MAPKAP1: variants seen among roughly 807,000 people sequenced by gnomAD.
MAPKAP1 encodes the protein target of rapamycin complex 2 subunit MAPKAP1.
In MAPKAP1, 20 loss-of-function variants were observed where a neutral mutation model predicts 65.7. The observed-to-expected ratio is 0.30, with a 90% confidence interval of 0.21 to 0.44. The LOEUF (loss-of-function observed/expected upper bound fraction) is 0.44, where lower values mean the gene tolerates loss of function less well. Among genes scored for constraint, MAPKAP1 ranks in the 20% least tolerant of loss-of-function variants. The pLI, the probability that MAPKAP1 is intolerant of heterozygous loss-of-function variation, is 1.00. For synonymous variants in MAPKAP1, 222 were observed against 244.3 expected (o/e 0.91, Z 0.85); for missense variants, 423 against 648.0 (o/e 0.65, Z 3.77).
chr9:125,494,384 A>G (rs918036685), intron 8 of MAPKAP1, among the ~76,000 whole-genome samples: 24 of 152,070 alleles, frequency 1.6e-4, no homozygotes, highest in African/African-American at 5.3e-4. Flanking sequence ...CCTTCACTAG[A>G]ATCTGCCATG....
chr9:125,553,081 T>TG (rs952395821), intron 6 of MAPKAP1, among the ~76,000 whole-genome samples: 4 of 152,022 alleles, frequency 2.6e-5, no homozygotes, highest in African/African-American at 9.7e-5. Context: ...ACTGTGTGTG[T>TG]GTGGGGGGGT....
intron 1 of MAPKAP1, among the ~76,000 whole-genome samples, chr9:125,677,070 C>T (rs1483149842): frequency 6.6e-6 from 1 of 152,206 alleles, no homozygotes; most frequent in East Asian, 1.9e-4. Flanking sequence ...CTATTCTACA[C>T]TTTCACAAAT....
At chr9:125,665,865 A>C (rs1834325553) in intron 3 of MAPKAP1, among the ~76,000 whole-genome samples, 3 of 152,236 alleles carry the variant, frequency 2.0e-5, no homozygotes, top group Non-Finnish European at 4.4e-5. Flanking sequence ...GATATAAATA[A>C]GCTACATTGT....
At chr9:125,503,385 G>T (rs10986780) in intron 8 of MAPKAP1, among the ~76,000 whole-genome samples, 1 of 152,246 alleles carries the variant, frequency 6.6e-6, no homozygotes, top group East Asian at 1.9e-4. Context: ...GATAATGTCC[G>T]GGCAAAAGCG....
intron 5 of MAPKAP1, among the ~76,000 whole-genome samples, chr9:125,572,675 T>C (rs979671963): frequency 6.6e-6 from 1 of 152,230 alleles, no homozygotes; most frequent in Non-Finnish European, 1.5e-5. Context: ...TGGATCAGTA[T>C]TCTAATTCTG....
At chr9:125,471,250 G>C (rs1853909482) in intron 9 of MAPKAP1, 1 of 152,306 alleles carries the variant, frequency 6.6e-6, no homozygotes, top group Non-Finnish European at 1.5e-5. Context: ...GCAGAAAAGA[G>C]AAAGGAGGCC....
intron 3 of MAPKAP1, among the ~76,000 whole-genome samples, chr9:125,666,661 C>A (rs115525146): frequency 1.0e-3 from 155 of 152,212 alleles, no homozygotes; most frequent in African/African-American, 3.6e-3. Flanking sequence ...AATTACCCAT[C>A]CAAAACTCTC....
At chr9:125,675,208 C>T (rs987571694) in intron 1 of MAPKAP1, among the ~76,000 whole-genome samples, 6 of 152,168 alleles carry the variant, frequency 3.9e-5, no homozygotes, top group Non-Finnish European at 4.4e-5. Context: ...CAAATTCATA[C>T]TGAATAGTTC....
chr9:125,483,736 C>T (rs957762137), intron 9 of MAPKAP1, among the ~76,000 whole-genome samples: 1 of 152,222 alleles, frequency 6.6e-6, no homozygotes, highest in African/African-American at 2.4e-5. Context: ...CTTGACTGCT[C>T]TGTACCTCAT....
chr9:125,700,017 CCTCA>C (rs1458193448), intron 1 of MAPKAP1, among the ~76,000 whole-genome samples: 4 of 152,166 alleles, frequency 2.6e-5, no homozygotes, highest in Admixed American at 6.5e-5. Context: ...TTCATTTAGT[CCTCA>C]CTAAGGACTA....
intron 7 of MAPKAP1, chr9:125,512,935 A>C (rs1243507624): frequency 6.6e-6 from 1 of 152,270 alleles, no homozygotes; most frequent in Admixed American, 6.5e-5. Context: ...CCCAGGCTGG[A>C]GTGCAGTGGC....
chr9:125,668,664 T>G (rs923366500), intron 3 of MAPKAP1, among the ~76,000 whole-genome samples: 1 of 152,256 alleles, frequency 6.6e-6, no homozygotes, highest in African/African-American at 2.4e-5. Context: ...CTTTTCTTCT[T>G]GCTGAGACTG....
intron 7 of MAPKAP1, among the ~76,000 whole-genome samples, chr9:125,529,844 T>C (rs1399729190): frequency 6.6e-6 from 1 of 152,230 alleles, no homozygotes; most frequent in East Asian, 1.9e-4. Flanking sequence ...TTTTAAGTCT[T>C]CTTTGTCTCA....
intron 7 of MAPKAP1, among the ~76,000 whole-genome samples, chr9:125,534,850 T>C (rs1286062828): frequency 6.6e-6 from 1 of 152,178 alleles, no homozygotes; most frequent in Non-Finnish European, 1.5e-5. Flanking sequence ...TGGTCTTCCC[T>C]GACTCCCCAG....
At chr9:125,624,469 G>A (rs1274746445) in intron 4 of MAPKAP1, among the ~76,000 whole-genome samples, 1 of 108,782 alleles carries the variant, frequency 9.2e-6, no homozygotes, top group Non-Finnish European at 2.0e-5. Flanking sequence ...CAGCCGCCCC[G>A]TCCGGGAGGT....
intron 4 of MAPKAP1, among the ~76,000 whole-genome samples, chr9:125,606,315 C>T (rs1832438784): frequency 6.6e-6 from 1 of 152,014 alleles, no homozygotes; most frequent in African/African-American, 2.4e-5. Flanking sequence ...GGATAACATA[C>T]CAAAATATGC....
At chr9:125,446,667 C>T (rs1214314700) in intron 10 of MAPKAP1, among the ~76,000 whole-genome samples, 1 of 152,130 alleles carries the variant, frequency 6.6e-6, no homozygotes, top group African/African-American at 2.4e-5. Flanking sequence ...GACAACTGGT[C>T]ACGACACACA....
At chr9:125,610,431 C>A (rs983449663) in intron 4 of MAPKAP1, among the ~76,000 whole-genome samples, 1 of 152,118 alleles carries the variant, frequency 6.6e-6, no homozygotes, top group African/African-American at 2.4e-5. Flanking sequence ...AAAAGAGAAT[C>A]TAGAATGAAA....
intron 10 of MAPKAP1, 120 bp downstream of exon 10, chr9:125,467,852 A>G (rs1853737090): frequency 9.0e-7 from 1 of 1,115,840 alleles, no homozygotes; most frequent in Non-Finnish European, 1.3e-6. Context: ...TCTGGTAATG[A>G]ATTAAAACAG....
Sources: allele counts gnomAD v4.1 joint callset (sites outside exome capture counted in the v4.1 genomes callset), GRCh38; gene constraint gnomAD v4.1.1; transcripts MANE v1.5; gene names NCBI Gene and HGNC (gene_info 2026-07-23, HGNC 2026-07-21).